Variants in CEL observed in about 807,000 individuals in gnomAD.
CEL encodes the protein carboxyl ester lipase, also known as bile salt-activated lipase.
CEL carries 39 observed loss-of-function variants against 57.1 expected under a neutral mutation model. That is an observed-to-expected ratio of 0.68 (90% confidence interval 0.53 to 0.89). CEL has a LOEUF of 0.89. Among genes scored for constraint, CEL ranks in the 40% least tolerant of loss-of-function variants. The pLI is 0.00. For missense variants in CEL, 698 were observed against 915.0 expected (o/e 0.76, Z 3.06); for synonymous variants, 314 against 396.6 (o/e 0.79, Z 2.48).
At chr9:133,069,808 TA>T (rs1830234603) in intron 9 of CEL, among the ~76,000 whole-genome samples, 1 of 151,886 alleles carries the variant, frequency 6.6e-6, no homozygotes, top group Non-Finnish European at 1.5e-5. Flanking sequence ...CCATCTCTAC[TA>T]AAAATACAAA....
chr9:133,062,734 G>GGCA (rs879872328), intron 1 of CEL, among the ~76,000 whole-genome samples: 3 of 150,416 alleles, frequency 2.0e-5, no homozygotes, highest in Admixed American at 1.3e-4. Context: ...TTTTACAGAA[G>GGCA]GGGAAACGGG....
In CEL at chr9:133,071,113, C is replaced by T; in HGVS notation, c.1611C>T (p.Asn537=). The change falls in exon 11 of 11, where the codon AAC becomes AAT. Residue 537 remains asparagine (N), a synonymous_variant. Transcript: ENST00000372080. ...SSSMKRSLRT[N]FLRYWTLTYL... is the part of the protein sequence containing the mutation. Reference sequence around the variant, plus strand: ...CCATGAAGCGGAGCCTGAGAACCAACTTCCTGCGCTACTGGACCCTCACCT... The same window carrying T: ...CCATGAAGCGGAGCCTGAGAACCAATTTCCTGCGCTACTGGACCCTCACCT... The T allele has an allele frequency of 1.2e-6, 2 of 1,610,230 alleles. No homozygotes were observed. The highest frequency in any genetic ancestry group is 1.7e-6 in the Non-Finnish European group (2 of 1,179,746).
chr9:133,064,410 G>A lies in CEL; in HGVS notation c.73G>A (p.Ala25Thr), dbSNP rs779607772. Residue 25 changes from alanine (A) to threonine (T), a missense_variant, in exon 2 of 11, where the codon GCC becomes ACC. This residue lies in a region of CEL where 327 missense variants were observed against 374.1 expected (regional missense o/e 0.87). Transcript: ENST00000372080. Reference sequence around the variant, plus strand: ...GCCCGTGTCTCCCTCGCAGCTGGGCGCCGTGTACACAGAAGGTGGGTTCGT... The same window carrying A: ...GCCCGTGTCTCCCTCGCAGCTGGGCACCGTGTACACAGAAGGTGGGTTCGT... The part of the protein sequence containing the change: ...WAVASAAKLG[A>T]VYTEGGFVEG... 48 of 1,613,800 alleles carry A rather than the reference G, an allele frequency of 3.0e-5. No homozygotes were observed. Among genetic ancestry groups the A allele is most frequent in the Admixed American group, 1.2e-4 (7 of 60,004 alleles).
Position 133,064,524 on chromosome 9 carries a change from G to C in CEL, c.187G>C (p.Glu63Gln). ...IPFAAPTKAL[E>Q]NPQPHPGWQG... ...CTTCGCAGCTCCCACCAAGGCCCTG[G>C]AAAATCCTCAGCCACATCCTGGCTG... The change falls in exon 2 of 11, where the codon GAA becomes CAA. Residue 63 changes from glutamate (E) to glutamine (Q), a missense_variant. Physicochemically the swap from Glu to Gln is conservative, Grantham distance 29 (BLOSUM62 2). Around this residue, in one of 6 missense-constraint regions of CEL, gnomAD observed 327 missense variants for 374.1 expected, o/e 0.87. Coordinates refer to ENST00000372080, the MANE Select transcript of CEL (RefSeq NM_001807.6). 6.2e-7 allele frequency: 1 copy of C among 1,614,176 alleles called. No individual in the cohort carries two copies. Among genetic ancestry groups the C allele is most frequent in the Non-Finnish European group, 8.5e-7 (1 of 1,180,016 alleles).
In CEL at chr9:133,068,865, A is replaced by AG. The variant is rs752959264; in HGVS notation, c.1082+12dup. 1 of 1,411,746 alleles carries AG rather than the reference A, an allele frequency of 7.1e-7. No individual in the cohort carries two copies. Among genetic ancestry groups the AG allele is most frequent in the African/African-American group, 1.5e-5 (1 of 65,778 alleles). 87.5% of individuals were successfully genotyped at this position (1,411,746 alleles called of 1,614,324 possible). ...GCAACAAGAAAGTCACGGAGTAAGC[A>AG]GGGGGCACAGGACTCAGGGGCGACC... is the stretch of plus-strand genomic sequence containing the variant. On this transcript the variant is annotated splice_region_variant and intron_variant, in intron 8 of 10. Transcript: ENST00000372080.
rs1156584303 is a variant in CEL, at chr9:133,065,014, G to C, written c.341-26G>C. The C allele has an allele frequency of 3.1e-6, 5 of 1,606,514 alleles. No homozygotes were observed. The East Asian group carries it at 1.1e-4, about 36-fold the overall frequency. On this transcript the variant is annotated intron_variant, in intron 3 of 10. Transcript: ENST00000372080. ...AGACAGGGCCAGGCGGGGCGTCTGG[G>C]GTCACCAGCCGCTCCCCCATCTCAG...
At chr9:133,062,970 A>G (rs1437857732) in intron 1 of CEL, among the ~76,000 whole-genome samples, 1 of 151,734 alleles carries the variant, frequency 6.6e-6, no homozygotes, top group Non-Finnish European at 1.5e-5. Flanking sequence ...GAAGCCACAG[A>G]AACCCCAAGC....
Position 133,071,766 on chromosome 9 carries a change from G to GT in CEL, c.*3dup. ...ATGCCTGCAGTCATTAGGTTTTAGCGTCCCATGAGCCTTGGTATCAAGAGG... is the reference window on the plus strand; with the variant it reads ...ATGCCTGCAGTCATTAGGTTTTAGCGTTCCCATGAGCCTTGGTATCAAGAGG... On this transcript the variant is annotated 3_prime_UTR_variant, in exon 11 of 11. Transcript: ENST00000372080. 6.2e-7 allele frequency: 1 copy of GT among 1,611,862 alleles called. No individual in the cohort carries two copies. Among genetic ancestry groups the GT allele is most frequent in the East Asian group, 2.2e-5 (1 of 44,838 alleles).
chr9:133,071,641 C>A lies in CEL; in HGVS notation c.2139C>A (p.Pro713=), dbSNP rs1273509890. The A allele has an allele frequency of 1.3e-6, 2 of 1,522,718 alleles. No individual in the cohort carries two copies. Among genetic ancestry groups the A allele is most frequent in the South Asian group, 1.1e-5 (1 of 87,926 alleles). The allele number at this position is 1,522,718 out of a possible 1,614,324, so 94.3% of individuals were successfully genotyped here. A position where few individuals can be genotyped will look rare whatever the true frequency, so the allele number is the denominator to read the frequency against. Residue 713 remains proline, a synonymous_variant, in exon 11 of 11, where the codon CCC becomes CCA. Transcript: ENST00000372080. ...VTPTGDSETA[P]VPPTGDSGAP... is the part of the protein sequence containing the mutation. ...CCACGGGTGACTCCGAGACCGCCCC[C>A]GTGCCGCCCACGGGTGACTCCGGGG...
chr9:133,071,630 GAGACCGCCCCCGTGCCGCCCAC>G lies in CEL; in HGVS notation c.2129_2150del (p.Glu710GlyfsTer41). 3 of 1,494,768 alleles carry G rather than the reference GAGACCGCCCCCGTGCCGCCCAC, an allele frequency of 2.0e-6. No individual in the cohort carries two copies. Among genetic ancestry groups the G allele is most frequent in the Non-Finnish European group, 2.7e-6 (3 of 1,099,946 alleles). 92.6% of individuals were successfully genotyped at this position (1,494,768 alleles called of 1,614,324 possible). ...CCCCGTGACCCCCACGGGTGACTCC[GAGACCGCCCCCGTGCCGCCCAC>G]GGGTGACTCCGGGGCCCCCCCTGTG... On this transcript the variant is annotated frameshift_variant, in exon 11 of 11. Transcript: ENST00000372080. LOFTEE classifies it high-confidence loss of function.
rs1466765436 is a variant in CEL, at chr9:133,066,626, G to A, written c.635G>A (p.Gly212Glu). 3.7e-6 allele frequency: 6 copies of A among 1,613,750 alleles called. No homozygotes were observed. Among genetic ancestry groups the A allele is most frequent in the Non-Finnish European group, 4.2e-6 (5 of 1,179,988 alleles). The change falls in exon 5 of 11, where the codon GGG becomes GAG. Residue 212 changes from glycine (G) to glutamate (E), a missense_variant. Physicochemically the swap from Gly to Glu is moderately conservative, Grantham distance 98. This residue lies in a region of CEL where 327 missense variants were observed against 374.1 expected (regional missense o/e 0.87). Coordinates refer to ENST00000372080, the MANE Select transcript of CEL (RefSeq NM_001807.6). This position sits in a 1 kb window ranked among gnomAD's most constrained non-coding sequence, Gnocchi z 4.3. The part of the protein sequence containing the change: ...GGDPNNITLF[G>E]ESAGGASVSL... ...GACCCCAACAACATCACGCTCTTCG[G>A]GGAGTCTGCTGGAGGTGCCAGCGTC...
At chr9:133,068,485 G>A (rs1210563797) in intron 7 of CEL, among the ~76,000 whole-genome samples, 187 bp from the exon 8 acceptor site, 2 of 151,548 alleles carry the variant, frequency 1.3e-5, no homozygotes, top group East Asian at 1.9e-4. Flanking sequence ...GTGGGTCGAG[G>A]CCGGGGATGC....
intron 10 of CEL, 117 bp from the exon 11 acceptor site, chr9:133,070,870 G>A (rs1830248840): frequency 2.3e-6 from 3 of 1,325,916 alleles, no homozygotes; most frequent in Admixed American, 3.9e-5. Context: ...TGCAGTGAGG[G>A]GCATGGTGCC....
chr9:133,071,292 G>T lies in CEL; in HGVS notation c.1790G>T (p.Gly597Val), dbSNP rs750553057. Residue 597 changes from glycine to valine, a missense_variant, in exon 11 of 11, where the codon GGT becomes GTT. Coordinates refer to ENST00000372080, the MANE Select transcript of CEL (RefSeq NM_001807.6). ...GGGGCCCCCCCCGTGCCGCCCACGGGTGACTCCGGGGCCCCCCCCGTGCCG... is the reference window on the plus strand; with the variant it reads ...GGGGCCCCCCCCGTGCCGCCCACGGTTGACTCCGGGGCCCCCCCCGTGCCG... ...DSGAPPVPPT[G>V]DSGAPPVPPT... is the part of the protein sequence containing the mutation. 7.3e-6 allele frequency: 6 copies of T among 818,762 alleles called. No homozygotes were observed. The South Asian group carries it at 9.1e-5, about 12-fold the overall frequency. 50.7% of individuals were successfully genotyped at this position (818,762 alleles called of 1,614,324 possible). A position where few individuals can be genotyped will look rare whatever the true frequency, so the allele number is the denominator to read the frequency against.
At chr9:133,068,513 G>T (rs1167828258) in intron 7 of CEL, among the ~76,000 whole-genome samples, 159 bp from the exon 8 acceptor site, 1 of 151,348 alleles carries the variant, frequency 6.6e-6, no homozygotes, top group Non-Finnish European at 1.5e-5. Flanking sequence ...ATCCTACAGG[G>T]CACAGGATGC....
In CEL at chr9:133,064,540, A is replaced by T. The variant is rs768467824; in HGVS notation, c.203A>T (p.His68Leu). 2.7e-5 allele frequency: 43 copies of T among 1,614,002 alleles called. 1 individual carries two copies. The highest frequency in any genetic ancestry group is 4.0e-5 in the African/African-American group (3 of 74,922). ...AAGGCCCTGGAAAATCCTCAGCCAC[A>T]TCCTGGCTGGCAAGGTGGGAGTGGG... ...PTKALENPQP[H>L]PGWQGTLKAK... is the part of the protein sequence containing the mutation. The change falls in exon 2 of 11, where the codon CAT becomes CTT. Residue 68 changes from histidine (H) to leucine (L), a missense_variant. By Grantham distance (99) the His-to-Leu change is moderately conservative. Coordinates refer to ENST00000372080, the MANE Select transcript of CEL (RefSeq NM_001807.6).
At chr9:133,068,407 GGACGTGTGGCAGGGCCTGGA>G (rs1416412488) in intron 7 of CEL, among the ~76,000 whole-genome samples, 2 of 152,124 alleles carry the variant, frequency 1.3e-5, no homozygotes, top group African/African-American at 2.4e-5. Flanking sequence ...CTCAGCCTGG[GGACGTGTGGCAGGGCCTGGA>G]GACATCTGTG....
chr9:133,065,628 C>T (rs1830165783), intron 4 of CEL, among the ~76,000 whole-genome samples: 1 of 152,040 alleles, frequency 6.6e-6, no homozygotes, highest in Non-Finnish European at 1.5e-5. Context: ...GGGTAGATCA[C>T]CTGAGGTCAG....
Position 133,065,149 on chromosome 9 carries a change from C to A in CEL, c.450C>A (p.Ile150=), listed in dbSNP as rs772841960. Reference sequence around the variant, plus strand: ...ACTACCTGTATGACGGCGAGGAGATCGCCACACGCGGAAACGTCATCGTGG... The same window carrying A: ...ACTACCTGTATGACGGCGAGGAGATAGCCACACGCGGAAACGTCATCGTGG... ...LNNYLYDGEE[I]ATRGNVIVVT... The change falls in exon 4 of 11, where the codon ATC becomes ATA. Residue 150 remains isoleucine (I), a synonymous_variant. Coordinates refer to ENST00000372080, the MANE Select transcript of CEL (RefSeq NM_001807.6). 5 of 1,613,926 alleles carry A rather than the reference C, an allele frequency of 3.1e-6. No individual in the cohort carries two copies. The highest frequency in any genetic ancestry group is 2.2e-5 in the East Asian group (1 of 44,882).
Sources: gnomAD v4.1 joint callset for allele counts (sites outside exome capture counted in the v4.1 genomes callset) on GRCh38, gnomAD v4.1.1 for gene constraint, gnomAD v4.1.1 regional missense constraint, Gnocchi (gnomAD v3.1) non-coding constraint, MANE v1.5 for transcripts, NCBI Gene and HGNC (gene_info 2026-07-23, HGNC 2026-07-21) for gene names.